GRID1: variants seen among roughly 807,000 people sequenced by gnomAD.
GRID1 encodes glutamate ionotropic receptor delta type subunit 1.
A neutral mutation model predicts 98.0 loss-of-function variants in GRID1; 28 were observed. That is an observed-to-expected ratio of 0.29 (90% CI 0.21 to 0.39). The LOEUF (loss-of-function observed/expected upper bound fraction) is 0.39, where lower values mean the gene tolerates loss of function less well. Ranked by LOEUF, GRID1 falls within the 10% of genes least tolerant of loss-of-function variation. The pLI is 1.00. For missense variants in GRID1, 1,111 were observed against 1,340.5 expected (o/e 0.83, Z 2.67); for synonymous variants, 553 against 538.5 (o/e 1.03, Z -0.37).
chr10:85,673,711 T>C (rs906849062), intron 12 of GRID1, among the ~76,000 whole-genome samples: 4 of 152,240 alleles, frequency 2.6e-5, no homozygotes, highest in African/African-American at 9.6e-5. Flanking sequence ...TACAGTATAA[T>C]ATAAACATAA....
intron 12 of GRID1, among the ~76,000 whole-genome samples, chr10:85,674,153 G>A (rs546406740): frequency 6.6e-6 from 1 of 152,220 alleles, no homozygotes; most frequent in South Asian, 2.1e-4. Flanking sequence ...ATTTCCAACG[G>A]GATGGGTAAG....
intron 13 of GRID1, among the ~76,000 whole-genome samples, chr10:85,640,133 G>A (rs899841567): frequency 6.6e-6 from 1 of 152,218 alleles, no homozygotes; most frequent in African/African-American, 2.4e-5. Flanking sequence ...AAAGGAAGAT[G>A]CTACTCAAAC....
At chr10:85,820,183 G>T (rs369829172) in intron 8 of GRID1, among the ~76,000 whole-genome samples, 10 of 151,684 alleles carry the variant, frequency 6.6e-5, no homozygotes, top group South Asian at 2.1e-4. Context: ...GAAAAGAAAA[G>T]AAAACTTCTG....
chr10:85,655,722 G>A (rs1840887568), intron 12 of GRID1, among the ~76,000 whole-genome samples: 1 of 152,164 alleles, frequency 6.6e-6, no homozygotes. Flanking sequence ...GAAGGGAGAA[G>A]CCATCAGTGG....
intron 8 of GRID1, among the ~76,000 whole-genome samples, chr10:85,805,319 C>A (rs1164942499): frequency 1.3e-5 from 2 of 151,390 alleles, no homozygotes; most frequent in Non-Finnish European, 3.0e-5. Flanking sequence ...GGGCTGTGTA[C>A]TAAAAAACTA....
intron 8 of GRID1, among the ~76,000 whole-genome samples, chr10:85,820,850 G>C (rs1842763542): frequency 6.6e-6 from 1 of 152,132 alleles, no homozygotes; most frequent in Non-Finnish European, 1.5e-5. Flanking sequence ...GTGGAAAACA[G>C]CATGGACGTT....
intron 8 of GRID1, among the ~76,000 whole-genome samples, chr10:85,766,730 TTGTGTGTG>T (rs35691322): frequency 1.4e-3 from 199 of 138,438 alleles, no homozygotes; most frequent in East Asian, 6.0e-3. Flanking sequence ...AGGCAGATGA[TTGTGTGTG>T]TGTGTGTGTG....
At chr10:86,024,754 C>G (rs1392359482) in intron 4 of GRID1, among the ~76,000 whole-genome samples, 1 of 152,180 alleles carries the variant, frequency 6.6e-6, no homozygotes, top group East Asian at 1.9e-4. Flanking sequence ...CTCCCTGCCC[C>G]TAGTGGTTTC....
In GRID1 at chr10:86,192,536, G is replaced by T. The variant is rs549166261; in HGVS notation, c.520+13828C>A. Among the ~76,000 whole-genome samples the T allele has an allele frequency of 7.6e-6, 1 of 131,836 alleles. No homozygotes were observed. The highest frequency in any genetic ancestry group is 2.7e-5 in the African/African-American group (1 of 36,678). 86.5% of individuals were successfully genotyped at this position (131,836 alleles called of 152,430 possible). On this transcript the variant is annotated intron_variant, in intron 3 of 15. Coordinates refer to ENST00000327946, the MANE Select transcript of GRID1 (RefSeq NM_017551.3). The surrounding 1 kb of genome is among the most constrained non-coding windows in gnomAD (Gnocchi z 4.8). ...AGTGGGTGCTGAGGGCTGAAGGGAG[G>T]GGGGAGATGGGGGTCTTTGTTGAAT...
At chr10:85,982,836 A>C (rs1842562483) in intron 4 of GRID1, among the ~76,000 whole-genome samples, 1 of 152,198 alleles carries the variant, frequency 6.6e-6, no homozygotes. Flanking sequence ...TCACTGAAAA[A>C]GAAACTCCCT....
intron 4 of GRID1, among the ~76,000 whole-genome samples, chr10:85,935,333 G>C (rs1841912498): frequency 1.3e-5 from 2 of 152,214 alleles, no homozygotes. Context: ...AAGGTAGAAA[G>C]CCTCAGAGAT....
chr10:86,115,361 G>T (rs1844560309), intron 4 of GRID1, among the ~76,000 whole-genome samples: 1 of 152,176 alleles, frequency 6.6e-6, no homozygotes, highest in South Asian at 2.1e-4. Flanking sequence ...ATGAATGAAT[G>T]AATGAATGAA....
chr10:86,346,886 A>G (rs1848391430), intron 2 of GRID1, among the ~76,000 whole-genome samples: 2 of 152,182 alleles, frequency 1.3e-5, no homozygotes. Flanking sequence ...TGGGGTAAGG[A>G]GAGGCCTCCC....
chr10:85,689,661 A>G (rs1841311101), intron 12 of GRID1, among the ~76,000 whole-genome samples: 1 of 152,190 alleles, frequency 6.6e-6, no homozygotes, highest in South Asian at 2.1e-4. Context: ...AGGAAAACCA[A>G]TGGAAAGAAA....
At chr10:85,875,184 T>G (rs1027160235) in intron 5 of GRID1, among the ~76,000 whole-genome samples, 3 of 151,910 alleles carry the variant, frequency 2.0e-5, no homozygotes, top group African/African-American at 7.3e-5. Flanking sequence ...GGCCAGGGGG[T>G]TTTTTTATTC....
At chr10:85,880,650 A>G (rs1250717112) in intron 5 of GRID1, among the ~76,000 whole-genome samples, 5 of 151,832 alleles carry the variant, frequency 3.3e-5, no homozygotes, top group East Asian at 3.9e-4. Flanking sequence ...TCTATGACAA[A>G]CCCACAGCCA....
chr10:85,831,970 A>G (rs1246893866), intron 8 of GRID1, among the ~76,000 whole-genome samples: 1 of 152,100 alleles, frequency 6.6e-6, no homozygotes. Flanking sequence ...TAAAAATTTT[A>G]AACAAAACAA....
At chr10:85,983,373 C>T (rs1049222978) in intron 4 of GRID1, among the ~76,000 whole-genome samples, 3 of 152,218 alleles carry the variant, frequency 2.0e-5, no homozygotes, top group East Asian at 1.9e-4. Flanking sequence ...GATTATGCTA[C>T]GTGTCCACTG....
rs577123207 is a variant in GRID1 at position 86,009,874 on chromosome 10, C to T, written c.727-93635G>A. On this transcript the variant is annotated intron_variant, in intron 4 of 15. Transcript: ENST00000327946. Reference sequence around the variant, plus strand: ...GATGGGTCATAGTCATTAGCAGATACATAGGCAAGAAAGTTACCAGGCTGA... The same window carrying T: ...GATGGGTCATAGTCATTAGCAGATATATAGGCAAGAAAGTTACCAGGCTGA... Among the ~76,000 whole-genome samples, 6 of 152,304 alleles carry T rather than the reference C, an allele frequency of 3.9e-5. No individual in the cohort carries two copies. In the South Asian group the frequency reaches 1.2e-3, roughly 32 times the overall value.
Sources: allele counts gnomAD v4.1 joint callset (sites outside exome capture counted in the v4.1 genomes callset), GRCh38; gene constraint gnomAD v4.1.1; non-coding constraint Gnocchi (gnomAD v3.1); transcripts MANE v1.5; gene names NCBI Gene and HGNC (gene_info 2026-07-23, HGNC 2026-07-21).